HRH1: variants seen among roughly 807,000 people sequenced by gnomAD.
The protein encoded by HRH1 is histamine receptor H1.
Under a neutral mutation model 10.3 loss-of-function variants are expected in HRH1, and 6 were observed. The ratio of observed to expected loss-of-function variants is 0.58; its 90% CI spans 0.32 to 1.15. The LOEUF is 1.15. Ranked by LOEUF, HRH1 falls within the 50% of genes most tolerant of loss-of-function variation. The pLI is 0.05. For synonymous variants in HRH1, 242 were observed against 236.7 expected (o/e 1.02, Z -0.21); for missense variants, 514 against 615.3 (o/e 0.84, Z 1.74).
At chr3:11,181,666 C>G (rs1457348506) in intron 1 of HRH1, among the ~76,000 whole-genome samples, 1 of 137,118 alleles carries the variant, frequency 7.3e-6, no homozygotes, top group Admixed American at 7.7e-5. Context: ...GAGTCTCGCT[C>G]CGTCGCCCAG....
intron 1 of HRH1, among the ~76,000 whole-genome samples, chr3:11,177,201 T>A (rs1308716158): frequency 6.7e-6 from 1 of 150,212 alleles, no homozygotes; most frequent in African/African-American, 2.5e-5. Context: ...GGCCCAGGAG[T>A]TCAAGACCAG....
In HRH1 at chr3:11,262,141, G is replaced by A. The variant is rs954686552; in HGVS notation, c.*1640G>A. The A allele has an allele frequency of 2.4e-5, 4 of 167,098 alleles. No individual in the cohort carries two copies. Among genetic ancestry groups the A allele is most frequent in the African/African-American group, 9.6e-5 (4 of 41,472 alleles). 10.4% of individuals were successfully genotyped at this position (167,098 alleles called of 1,614,324 possible). The stretch of plus-strand genomic sequence containing the variant: ...TTGGTGTTTATGTTGCAATCTGGTT[G>A]TGATTTATATTTTAAAGCTTGGTGC... On this transcript the variant is annotated 3_prime_UTR_variant, in exon 2 of 2. Coordinates refer to ENST00000431010, the MANE Select transcript of HRH1 (RefSeq NM_001098212.2).
chr3:11,138,388 G>T (rs924554007), intron 1 of HRH1, among the ~76,000 whole-genome samples: 1 of 152,028 alleles, frequency 6.6e-6, no homozygotes, highest in Non-Finnish European at 1.5e-5. Context: ...AATGGGTAAA[G>T]GACTTGAACA....
intron 1 of HRH1, among the ~76,000 whole-genome samples, chr3:11,172,069 C>G (rs1254186258): frequency 6.6e-6 from 1 of 152,134 alleles, no homozygotes; most frequent in Non-Finnish European, 1.5e-5. Flanking sequence ...TTTGTGTTCT[C>G]TTGAGAAAGG....
chr3:11,146,277 G>A (rs1381745012), intron 1 of HRH1, among the ~76,000 whole-genome samples: 1 of 152,044 alleles, frequency 6.6e-6, no homozygotes, highest in Non-Finnish European at 1.5e-5. Context: ...AGGTCATTGG[G>A]GTTAATTTTC....
intron 1 of HRH1, among the ~76,000 whole-genome samples, chr3:11,258,516 G>A (rs961808398): frequency 3.3e-5 from 5 of 152,160 alleles, no homozygotes; most frequent in South Asian, 2.1e-4. Flanking sequence ...GAGGAAGAAC[G>A]TTCCTAAAAA....
rs1936734901 is a variant in HRH1 at position 11,154,578 on chromosome 3, T to G, written c.-36+24T>G. ...CGGTGAGTCGCAGCGGGGCGCGGGC[T>G]TGGGCGGGAGCGGGGCCGCCGCGGC... On this transcript the variant is annotated intron_variant, in intron 1 of 1. Coordinates refer to ENST00000431010, the MANE Select transcript of HRH1 (RefSeq NM_001098212.2). This position sits in a 1 kb window ranked among gnomAD's most constrained non-coding sequence, Gnocchi z 4.4. The G allele has an allele frequency of 6.6e-6, 1 of 151,206 alleles. No individual in the cohort carries two copies. Among genetic ancestry groups the G allele is most frequent in the African/African-American group, 2.4e-5 (1 of 41,290 alleles). The allele number at this position is 151,206 out of a possible 1,614,324, so 9.4% of individuals were successfully genotyped here.
At chr3:11,255,856 C>T (rs1237104315) in intron 1 of HRH1, among the ~76,000 whole-genome samples, 1 of 152,168 alleles carries the variant, frequency 6.6e-6, no homozygotes, top group African/African-American at 2.4e-5. Context: ...GCGGGTTTGC[C>T]CTAAGCAGTT....
intron 1 of HRH1, among the ~76,000 whole-genome samples, chr3:11,228,865 G>C (rs1242060692): frequency 6.7e-6 from 1 of 148,656 alleles, no homozygotes; most frequent in African/African-American, 2.5e-5. Context: ...AGTGAGACGA[G>C]ATCTTGTCAT....
At chr3:11,245,417 C>G (rs959997445) in intron 1 of HRH1, among the ~76,000 whole-genome samples, 2 of 152,166 alleles carry the variant, frequency 1.3e-5, no homozygotes, top group Non-Finnish European at 2.9e-5. Context: ...TTAGCAACCA[C>G]TTCCCAGCTG....
At chr3:11,167,194 G>A (rs568554963) in intron 1 of HRH1, among the ~76,000 whole-genome samples, 284 of 125,580 alleles carry the variant, frequency 2.3e-3, no homozygotes, top group African/African-American at 8.2e-3. Flanking sequence ...CTCCAGGCCC[G>A]TGACATCTGC....
At chr3:11,218,447 CAAAA>C (rs1026039560) in intron 1 of HRH1, among the ~76,000 whole-genome samples, 5 of 53,976 alleles carry the variant, frequency 9.3e-5, no homozygotes, top group Non-Finnish European at 2.0e-4. Context: ...GACTCCATCT[CAAAA>C]AAAAAAAAAA....
intron 1 of HRH1, among the ~76,000 whole-genome samples, chr3:11,138,365 A>T (rs775289714): frequency 8.5e-4 from 130 of 152,164 alleles, no homozygotes; most frequent in Non-Finnish European, 1.7e-3. Flanking sequence ...CACAAAAAAC[A>T]ACCCAGCCAA....
chr3:11,257,252 TAA>T (rs756942955), intron 1 of HRH1, among the ~76,000 whole-genome samples: 41 of 80,098 alleles, frequency 5.1e-4, no homozygotes, highest in Middle Eastern at 0.011. Context: ...GACTCTGTCC[TAA>T]AAAAAAAAAA....
At chr3:11,176,297 G>A (rs1296157826) in intron 1 of HRH1, among the ~76,000 whole-genome samples, 1 of 152,110 alleles carries the variant, frequency 6.6e-6, no homozygotes, top group Non-Finnish European at 1.5e-5. Context: ...CCCACCTATA[G>A]TCCAGGGAAC....
intron 1 of HRH1, among the ~76,000 whole-genome samples, chr3:11,207,578 A>G (rs1368636299): frequency 6.6e-6 from 1 of 151,988 alleles, no homozygotes; most frequent in African/African-American, 2.4e-5. Flanking sequence ...CAAAAAAACA[A>G]AAGAAAGAGG....
At chr3:11,187,494 A>T (rs1214354850) in intron 1 of HRH1, among the ~76,000 whole-genome samples, 2 of 152,214 alleles carry the variant, frequency 1.3e-5, no homozygotes, top group Admixed American at 6.5e-5. Context: ...TACTGAGCCC[A>T]TTCTGTAAAA....
chr3:11,213,759 C>T (rs1938403683), intron 1 of HRH1, among the ~76,000 whole-genome samples: 2 of 152,246 alleles, frequency 1.3e-5, no homozygotes, highest in African/African-American at 4.8e-5. Flanking sequence ...TGGAGAGACA[C>T]AAACATTCAA....
chr3:11,202,434 A>ATAAATAAATAAATAAATAAT (rs1314713595), intron 1 of HRH1, among the ~76,000 whole-genome samples: 24 of 148,332 alleles, frequency 1.6e-4, no homozygotes, highest in African/African-American at 5.4e-4. Context: ...AAATAAATAA[A>ATAAATAAATAAATAAATAAT]TAATTAATTA....
Sources: allele counts gnomAD v4.1 joint callset (sites outside exome capture counted in the v4.1 genomes callset), GRCh38; gene constraint gnomAD v4.1.1; non-coding constraint Gnocchi (gnomAD v3.1); transcripts MANE v1.5; gene names NCBI Gene and HGNC (gene_info 2026-07-23, HGNC 2026-07-21).